HECW2: variants seen among roughly 807,000 people sequenced by gnomAD.
The protein encoded by HECW2 is HECT, C2 and WW domain containing E3 ubiquitin protein ligase 2.
HECW2 carries 61 observed loss-of-function variants against 175.2 expected under a neutral mutation model. The ratio of observed to expected loss-of-function variants is 0.35; its 90% CI spans 0.28 to 0.43. The LOEUF is 0.43. Among genes scored for constraint, HECW2 ranks in the 20% least tolerant of loss-of-function variants. HECW2 has a pLI of 1.00. For missense variants in HECW2, 1,524 were observed against 2,000.5 expected (o/e 0.76, Z 4.54); for synonymous variants, 671 against 731.0 (o/e 0.92, Z 1.32).
intron 8 of HECW2, 102 bp downstream of exon 8, chr2:196,320,237 G>A (rs901142929): frequency 4.1e-6 from 3 of 735,754 alleles, no homozygotes; most frequent in Non-Finnish European, 6.8e-6. Flanking sequence ...TTTCAAAACA[G>A]AACATGAATT....
intron 1 of HECW2, among the ~76,000 whole-genome samples, chr2:196,546,575 A>G (rs1170547489): frequency 6.6e-6 from 1 of 152,198 alleles, no homozygotes; most frequent in Non-Finnish European, 1.5e-5. Flanking sequence ...AACCTTTGCA[A>G]AATGTATCCT....
At chr2:196,204,180 T>C (rs909958289) in intron 28 of HECW2, among the ~76,000 whole-genome samples, 8 of 152,198 alleles carry the variant, frequency 5.3e-5, no homozygotes, top group Admixed American at 3.9e-4. Context: ...TGTACAATTA[T>C]CTGTTTAAGT....
chr2:196,382,105 G>C (rs1694222151), intron 2 of HECW2, among the ~76,000 whole-genome samples: 1 of 151,858 alleles, frequency 6.6e-6, no homozygotes, highest in African/African-American at 2.4e-5. Context: ...GTGTAGAATA[G>C]TGCATATATT....
intron 1 of HECW2, among the ~76,000 whole-genome samples, chr2:196,514,560 T>C (rs896830348): frequency 6.6e-6 from 1 of 152,178 alleles, no homozygotes; most frequent in African/African-American, 2.4e-5. Context: ...TGAGAACTTA[T>C]GGTGCTTTTT....
chr2:196,359,953 A>G (rs985927553), intron 2 of HECW2, among the ~76,000 whole-genome samples: 2 of 152,150 alleles, frequency 1.3e-5, no homozygotes, highest in Non-Finnish European at 2.9e-5. Context: ...AATTTTTTAC[A>G]ATTAGCTGGG....
intron 2 of HECW2, among the ~76,000 whole-genome samples, chr2:196,384,835 A>G (rs796134217): frequency 1.3e-5 from 2 of 152,252 alleles, no homozygotes; most frequent in African/African-American, 4.8e-5. Context: ...TATTTAATCT[A>G]TCCTTCTCTG....
intron 2 of HECW2, among the ~76,000 whole-genome samples, chr2:196,408,350 G>T (rs559997857): frequency 3.3e-5 from 5 of 152,220 alleles, no homozygotes; most frequent in African/African-American, 4.8e-5. Context: ...ATTCTATGCA[G>T]ATTTCTGTCA....
intron 1 of HECW2, among the ~76,000 whole-genome samples, chr2:196,589,281 A>G (rs1166541235): frequency 1.3e-5 from 2 of 152,198 alleles, no homozygotes; most frequent in East Asian, 3.8e-4. Context: ...TGAGTTTGGG[A>G]AAGGTGACAG....
intron 14 of HECW2, among the ~76,000 whole-genome samples, chr2:196,279,200 C>G (rs910209330): frequency 6.6e-6 from 1 of 152,084 alleles, no homozygotes; most frequent in Non-Finnish European, 1.5e-5. Context: ...AGGCGCCCAC[C>G]ACCACGCCCG....
At chr2:196,487,800 A>G (rs1435322431) in intron 1 of HECW2, among the ~76,000 whole-genome samples, 1 of 152,244 alleles carries the variant, frequency 6.6e-6, no homozygotes, top group African/African-American at 2.4e-5. Context: ...CAGCAATGCT[A>G]TTAGATCAGC....
chr2:196,574,106 A>G (rs1294646276), intron 1 of HECW2, among the ~76,000 whole-genome samples: 2 of 151,958 alleles, frequency 1.3e-5, no homozygotes, highest in Non-Finnish European at 2.9e-5. Context: ...GGAAATTAAG[A>G]GAATAATCCC....
At chr2:196,227,170 C>A (rs1385781333) in intron 22 of HECW2, among the ~76,000 whole-genome samples, 1 of 152,164 alleles carries the variant, frequency 6.6e-6, no homozygotes, top group Non-Finnish European at 1.5e-5. Context: ...TGCAGCTAAA[C>A]AGAAGTTAAT....
At chr2:196,435,893 G>C (rs1034841945) in intron 1 of HECW2, among the ~76,000 whole-genome samples, 1 of 152,212 alleles carries the variant, frequency 6.6e-6, no homozygotes, top group African/African-American at 2.4e-5. Flanking sequence ...GTCAAGTTTA[G>C]TTATTAATAC....
intron 1 of HECW2, among the ~76,000 whole-genome samples, chr2:196,529,931 C>T (rs1345261545): frequency 6.6e-6 from 1 of 152,210 alleles, no homozygotes. Flanking sequence ...CAAAATCCCA[C>T]TCCTACTTGT....
At chr2:196,253,003 T>C (rs1397353461) in intron 19 of HECW2, among the ~76,000 whole-genome samples, 4 of 152,240 alleles carry the variant, frequency 2.6e-5, no homozygotes, top group African/African-American at 9.6e-5. Context: ...AACTGTATTA[T>C]TCATCTCTGT....
At chr2:196,357,318 T>C (rs1450782754) in intron 2 of HECW2, among the ~76,000 whole-genome samples, 1 of 122,970 alleles carries the variant, frequency 8.1e-6, no homozygotes, top group Non-Finnish European at 1.6e-5. Flanking sequence ...ACAACCCTGG[T>C]GGGGGGCTTG....
At chr2:196,511,351 G>A (rs953711351) in intron 1 of HECW2, among the ~76,000 whole-genome samples, 4 of 152,120 alleles carry the variant, frequency 2.6e-5, no homozygotes, top group Admixed American at 6.5e-5. Context: ...TTCTAGAATC[G>A]TTAAGGTAGA....
chr2:196,400,874 T>C (rs1226071338), intron 2 of HECW2, among the ~76,000 whole-genome samples: 6 of 151,662 alleles, frequency 4.0e-5, no homozygotes, highest in Non-Finnish European at 7.4e-5. Flanking sequence ...AACTTGTGTC[T>C]ACTTAAAATA....
intron 17 of HECW2, among the ~76,000 whole-genome samples, chr2:196,259,829 TAATAACTTAAC>T (rs577991223): frequency 1.4e-3 from 218 of 152,292 alleles, no homozygotes; most frequent in African/African-American, 5.0e-3. Flanking sequence ...GAAAAATGAA[TAATAACTTAAC>T]CAAAGAACTA....
Sources: gnomAD v4.1 joint callset for allele counts (sites outside exome capture counted in the v4.1 genomes callset) on GRCh38, gnomAD v4.1.1 for gene constraint, MANE v1.5 for transcripts, NCBI Gene and HGNC (gene_info 2026-07-23, HGNC 2026-07-21) for gene names.